Variants in DPYD observed in about 807,000 individuals in gnomAD.
DPYD encodes dihydropyrimidine dehydrogenase [NADP(+)].
In DPYD, 109 loss-of-function variants were observed where a neutral mutation model predicts 116.2. The ratio of observed to expected loss-of-function variants is 0.94; its 90% CI spans 0.80 to 1.10. The LOEUF is 1.10. Ranked by LOEUF, DPYD falls within the 50% of genes least tolerant of loss-of-function variation. The pLI is 0.00. For synonymous variants in DPYD, 440 were observed against 432.0 expected (o/e 1.02, Z -0.23); for missense variants, 1,302 against 1,254.5 (o/e 1.04, Z -0.57).
chr1:97,666,263 C>T lies in DPYD; in HGVS notation c.850+12832G>A, dbSNP rs112142282. On this transcript the variant is annotated intron_variant, in intron 8 of 22. Transcript: ENST00000370192. ...TCACGGCTCATTGCAGCCTTGACCT[C>T]CTGGGCTCAAGTGATTCTCCCACTT... is the stretch of plus-strand genomic sequence containing the variant. Among the ~76,000 whole-genome samples the T allele has an allele frequency of 5.0e-3, 762 of 152,186 alleles. 4 individuals are homozygous for T. The highest frequency in any genetic ancestry group is 0.017 in the African/African-American group (723 of 41,538).
At chr1:97,735,718 AT>A (rs1663901300) in intron 4 of DPYD, among the ~76,000 whole-genome samples, 1 of 149,588 alleles carries the variant, frequency 6.7e-6, no homozygotes, top group Non-Finnish European at 1.5e-5. Flanking sequence ...AAATAAATAA[AT>A]AAATAAATAA....
At chr1:97,483,324 T>C (rs1178642606) in intron 13 of DPYD, among the ~76,000 whole-genome samples, 1 of 152,234 alleles carries the variant, frequency 6.6e-6, no homozygotes, top group East Asian at 1.9e-4. Flanking sequence ...GCTCTCCAGT[T>C]GCTTCCTGAG....
At chr1:97,451,972 T>G (rs890912670) in intron 13 of DPYD, among the ~76,000 whole-genome samples, 1 of 152,166 alleles carries the variant, frequency 6.6e-6, no homozygotes, top group Non-Finnish European at 1.5e-5. Flanking sequence ...AGTCTGTATT[T>G]AGTTCACCAA....
At chr1:97,114,293 T>A (rs1248460716) in intron 20 of DPYD, among the ~76,000 whole-genome samples, 1 of 152,140 alleles carries the variant, frequency 6.6e-6, no homozygotes, top group Non-Finnish European at 1.5e-5. Context: ...TGACTCCATT[T>A]TCCTATCCAT....
In DPYD at chr1:97,257,452, T is replaced by TATATATATATATATAG. The variant is rs375490078; in HGVS notation, c.2300-22459_2300-22458insCTATATATATATATAT. ...ATACATACGTATATATATATATATA[T>TATATATATATATATAG]AGAGAGAGAGAAAGAGAGAGAGAGC... is the stretch of plus-strand genomic sequence containing the variant. On this transcript the variant is annotated intron_variant, in intron 18 of 22. Transcript: ENST00000370192. Among the ~76,000 whole-genome samples, 14 of 126,470 alleles carry TATATATATATATATAG rather than the reference T, an allele frequency of 1.1e-4. 1 individual carries two copies. The highest frequency in any genetic ancestry group is 3.5e-4 in the African/African-American group (11 of 31,798). 83.0% of individuals were successfully genotyped at this position (126,470 alleles called of 152,430 possible).
chr1:97,605,943 A>G (rs1304980086), intron 8 of DPYD, among the ~76,000 whole-genome samples: 6 of 152,102 alleles, frequency 3.9e-5, no homozygotes, highest in Non-Finnish European at 1.5e-5. Context: ...AACAATGAAA[A>G]CTATGGACAC....
intron 16 of DPYD, among the ~76,000 whole-genome samples, chr1:97,362,405 C>T (rs1300922781): frequency 2.0e-5 from 3 of 152,126 alleles, no homozygotes; most frequent in Non-Finnish European, 2.9e-5. Context: ...TCAATGCCAT[C>T]CCCATCAAGC....
intron 14 of DPYD, among the ~76,000 whole-genome samples, chr1:97,403,190 A>G (rs570732448): frequency 6.6e-6 from 1 of 152,176 alleles, no homozygotes; most frequent in South Asian, 2.1e-4. Context: ...GCTGTAATAA[A>G]CTGAAAATAT....
At chr1:97,575,859 G>T (rs1653228246) in intron 10 of DPYD, among the ~76,000 whole-genome samples, 1 of 152,132 alleles carries the variant, frequency 6.6e-6, no homozygotes, top group South Asian at 2.1e-4. Context: ...GCCTAAAGCA[G>T]AATTTAGCAT....
At chr1:97,396,137 T>C (rs1672993668) in intron 14 of DPYD, among the ~76,000 whole-genome samples, 1 of 152,066 alleles carries the variant, frequency 6.6e-6, no homozygotes, top group African/African-American at 2.4e-5. Context: ...GCTGTGTACT[T>C]GCATATGCTG....
intron 3 of DPYD, among the ~76,000 whole-genome samples, chr1:97,814,578 A>T (rs1668486993): frequency 6.6e-6 from 1 of 151,956 alleles, no homozygotes; most frequent in Non-Finnish European, 1.5e-5. Context: ...GAGAGAGAAA[A>T]TTTTTTCCAC....
chr1:97,197,822 G>T (rs1341506753), intron 19 of DPYD, among the ~76,000 whole-genome samples: 1 of 152,114 alleles, frequency 6.6e-6, no homozygotes, highest in Non-Finnish European at 1.5e-5. Context: ...AACCTTAAGA[G>T]GAAGGAGAGA....
chr1:97,466,748 T>C (rs1677345488), intron 13 of DPYD, among the ~76,000 whole-genome samples: 1 of 152,166 alleles, frequency 6.6e-6, no homozygotes, highest in South Asian at 2.1e-4. Context: ...ACAAGGCATC[T>C]AAGCATATTA....
chr1:97,339,711 TAC>T (rs1669499460), intron 16 of DPYD, among the ~76,000 whole-genome samples: 1 of 152,224 alleles, frequency 6.6e-6, no homozygotes, highest in South Asian at 2.1e-4. Flanking sequence ...GCAGTGTTAA[TAC>T]AGTGAATAAA....
intron 21 of DPYD, among the ~76,000 whole-genome samples, chr1:97,086,187 G>C (rs1174125981): frequency 6.6e-6 from 1 of 152,058 alleles, no homozygotes; most frequent in Non-Finnish European, 1.5e-5. Context: ...CCAAGTAGCT[G>C]GGGCTACAGG....
chr1:97,550,418 G>T (rs1651230385), intron 11 of DPYD, among the ~76,000 whole-genome samples: 1 of 152,054 alleles, frequency 6.6e-6, no homozygotes, highest in Admixed American at 6.6e-5. Flanking sequence ...TAAATATGCT[G>T]CATTCTAATG....
chr1:97,433,102 G>A (rs1471072342), intron 14 of DPYD, among the ~76,000 whole-genome samples: 1 of 152,114 alleles, frequency 6.6e-6, no homozygotes, highest in African/African-American at 2.4e-5. Context: ...GTCTTCCAAA[G>A]AGCCACTGCA....
intron 18 of DPYD, among the ~76,000 whole-genome samples, chr1:97,267,624 G>A (rs1157308375): frequency 1.3e-5 from 2 of 151,936 alleles, no homozygotes; most frequent in Non-Finnish European, 2.9e-5. Flanking sequence ...ATTCATGAGG[G>A]TGGAGCTTTA....
chr1:97,358,119 G>C (rs746579811), intron 16 of DPYD, among the ~76,000 whole-genome samples: 1 of 152,220 alleles, frequency 6.6e-6, no homozygotes, highest in Non-Finnish European at 1.5e-5. Flanking sequence ...TTTTCCAATG[G>C]TCTTAGCAAA....
Sources: allele counts gnomAD v4.1 joint callset (sites outside exome capture counted in the v4.1 genomes callset), GRCh38; gene constraint gnomAD v4.1.1; transcripts MANE v1.5; gene names NCBI Gene and HGNC (gene_info 2026-07-23, HGNC 2026-07-21).